KLHL15: variants seen among roughly 807,000 people sequenced by gnomAD.
KLHL15 encodes kelch like family member 15, also known as kelch-like protein 15.
Under a neutral mutation model 29.3 loss-of-function variants are expected in KLHL15, and 1 was observed. That is an observed-to-expected ratio of 0.03 (90% CI 0.01 to 0.16). KLHL15 has a LOEUF of 0.16. Among genes scored for constraint, KLHL15 ranks in the 10% least tolerant of loss-of-function variants. The pLI is 1.00. For synonymous variants in KLHL15, 212 were observed against 184.5 expected (o/e 1.15, Z -1.21); for missense variants, 215 against 478.5 (o/e 0.45, Z 5.14).
chrX:23,986,483 C>T lies in KLHL15; in HGVS notation c.*1438G>A, dbSNP rs1928988343. The T allele has an allele frequency of 8.9e-6, 1 of 111,971 alleles. No individual in the cohort carries two copies. Among genetic ancestry groups the T allele is most frequent in the Admixed American group, 9.5e-5 (1 of 10,536 alleles). The allele number at this position is 111,971 out of a possible 1,213,427, so 9.2% of individuals were successfully genotyped here. ...GGCATCAATTTCAATGATCCACTCC[C>T]AGGTTATTCTTGCTTAACTTTGTCA... On this transcript the variant is annotated 3_prime_UTR_variant, in exon 4 of 4. Coordinates refer to ENST00000328046, the MANE Select transcript of KLHL15 (RefSeq NM_030624.3).
At position 23,985,062 on chromosome X, in the gene KLHL15, T is replaced by C. The variant is rs1319896820; in HGVS notation, c.*2859A>G. 1 of 112,297 alleles carries C rather than the reference T, an allele frequency of 8.9e-6. No individual in the cohort carries two copies. The allele number at this position is 112,297 out of a possible 1,213,427, so 9.3% of individuals were successfully genotyped here. A position where few individuals can be genotyped will look rare whatever the true frequency, so the allele number is the denominator to read the frequency against. ...AATCTTGCATTTTAAGAAAAGGCTG[T>C]AGTGCAAGGAATTTCTTTAAAATCA... On this transcript the variant is annotated 3_prime_UTR_variant, in exon 4 of 4. Coordinates refer to ENST00000328046, the MANE Select transcript of KLHL15 (RefSeq NM_030624.3).
intron 2 of KLHL15, among the ~76,000 whole-genome samples, chrX:24,019,961 A>G (rs1347961423): frequency 8.9e-6 from 1 of 112,441 alleles, no homozygotes; most frequent in Non-Finnish European, 1.9e-5. Context: ...TTCCTTCCAC[A>G]GCTGCTTGAA....
chrX:24,001,940 T>C (rs1427518687), intron 3 of KLHL15, among the ~76,000 whole-genome samples: 1 of 107,570 alleles, frequency 9.3e-6, no homozygotes, highest in East Asian at 2.9e-4. Context: ...GAGACCATCC[T>C]GGCTAACACA....
intron 2 of KLHL15, among the ~76,000 whole-genome samples, chrX:24,011,341 T>TAAAA (rs565354614): frequency 1.2e-5 from 1 of 83,946 alleles, no homozygotes; most frequent in African/African-American, 4.4e-5. Flanking sequence ...CACTGTCTCT[T>TAAAA]AAAAAAAAAA....
chrX:24,019,806 G>A (rs984161548), intron 2 of KLHL15, among the ~76,000 whole-genome samples: 1 of 111,828 alleles, frequency 8.9e-6, no homozygotes, highest in Non-Finnish European at 1.9e-5. Flanking sequence ...AACTGGACAG[G>A]AAATTAAAGG....
chrX:23,989,705 C>T (rs1368151625), intron 3 of KLHL15, among the ~76,000 whole-genome samples: 1 of 111,446 alleles, frequency 9.0e-6, no homozygotes, highest in African/African-American at 3.3e-5. Flanking sequence ...AATTTAAATA[C>T]ATGTAAAATT....
intron 3 of KLHL15, among the ~76,000 whole-genome samples, chrX:23,989,308 G>A (rs2039869044): frequency 9.2e-6 from 1 of 108,644 alleles, no homozygotes; most frequent in Non-Finnish European, 1.9e-5. Flanking sequence ...CTCTGCCTCA[G>A]CCTCCTGAGG....
At chrX:24,013,936 G>T (rs967806629) in intron 2 of KLHL15, among the ~76,000 whole-genome samples, 2 of 110,368 alleles carry the variant, frequency 1.8e-5, no homozygotes, top group Admixed American at 1.9e-4. Flanking sequence ...TTTTTTTCAG[G>T]ATCATTATGG....
intron 3 of KLHL15, among the ~76,000 whole-genome samples, chrX:24,001,043 G>T (rs1216448654): frequency 1.8e-5 from 2 of 111,842 alleles, no homozygotes; most frequent in African/African-American, 6.5e-5. Context: ...CAATTTTGGG[G>T]GGATATACTG....
At position 23,984,730 on chromosome X, in the gene KLHL15, A is replaced by C. The variant is rs1928956304; in HGVS notation, c.*3191T>G. 8.9e-6 allele frequency: 1 copy of C among 112,493 alleles called. No homozygotes were observed. Among genetic ancestry groups the C allele is most frequent in the Non-Finnish European group, 1.9e-5 (1 of 53,261 alleles). 9.3% of individuals were successfully genotyped at this position (112,493 alleles called of 1,213,427 possible). A position where few individuals can be genotyped will look rare whatever the true frequency, so the allele number is the denominator to read the frequency against. On this transcript the variant is annotated 3_prime_UTR_variant, in exon 4 of 4. Coordinates refer to ENST00000328046, the MANE Select transcript of KLHL15 (RefSeq NM_030624.3). ...ATGCAGCTCAAATAATCTGTTATAAAATATTTTAAAGCTTAGTTTCATGTA... is the reference window on the plus strand; with the variant it reads ...ATGCAGCTCAAATAATCTGTTATAACATATTTTAAAGCTTAGTTTCATGTA...
At chrX:23,996,141 G>C (rs1295474621) in intron 3 of KLHL15, among the ~76,000 whole-genome samples, 1 of 112,170 alleles carries the variant, frequency 8.9e-6, no homozygotes, top group Non-Finnish European at 1.9e-5. Context: ...GGGTGGAAGT[G>C]GGGGAGCAAT....
rs1555975594 is a variant in KLHL15, at chrX:23,997,754, A to AAATT, written c.705+8234_705+8235insAATT. On this transcript the variant is annotated intron_variant, in intron 3 of 3. Transcript: ENST00000328046. ...TCAAAAAAAAAAAAAAAAAAAAAAA[A>AAATT]TTTTTTTTTTTTAAATTTTAGAAAA... Among the ~76,000 whole-genome samples, 493 of 67,002 alleles carry AAATT rather than the reference A, an allele frequency of 7.4e-3. 8 individuals carry two copies. The highest frequency in any genetic ancestry group is 9.3e-3 in the Non-Finnish European group (393 of 42,281). 58.2% of individuals were successfully genotyped at this position (67,002 alleles called of 115,157 possible).
In KLHL15 at chrX:23,985,093, TAGA is replaced by T. The variant is rs1928962640; in HGVS notation, c.*2825_*2827del. On this transcript the variant is annotated 3_prime_UTR_variant, in exon 4 of 4. Transcript: ENST00000328046. Reference sequence around the variant, plus strand: ...AAGGAATTTCTTTAAAATCAAAACTTAGAAGGTCAAAGACACGGAAGAGAACAA... The same window carrying T: ...AAGGAATTTCTTTAAAATCAAAACTTAGGTCAAAGACACGGAAGAGAACAA... The T allele has an allele frequency of 8.9e-6, 1 of 112,160 alleles. No individual in the cohort carries two copies. Among genetic ancestry groups the T allele is most frequent in the Non-Finnish European group, 1.9e-5 (1 of 53,182 alleles). The allele number at this position is 112,160 out of a possible 1,213,427, so 9.2% of individuals were successfully genotyped here. A position where few individuals can be genotyped will look rare whatever the true frequency, so the allele number is the denominator to read the frequency against.
chrX:23,985,174 G>A lies in KLHL15; in HGVS notation c.*2747C>T, dbSNP rs1928963636. The A allele has an allele frequency of 9.0e-6, 1 of 111,419 alleles. No individual in the cohort carries two copies. The highest frequency in any genetic ancestry group is 3.7e-4 in the South Asian group (1 of 2,722). The allele number at this position is 111,419 out of a possible 1,213,427, so 9.2% of individuals were successfully genotyped here. A position where few individuals can be genotyped will look rare whatever the true frequency, so the allele number is the denominator to read the frequency against. ...AAGATCAGCTATTTTTGTGAACTCT[G>A]GCATTTGAGATATAAAGTGAAAACA... On this transcript the variant is annotated 3_prime_UTR_variant, in exon 4 of 4. Transcript: ENST00000328046.
chrX:24,020,876 T>C (rs998963082), intron 2 of KLHL15, among the ~76,000 whole-genome samples: 2 of 112,114 alleles, frequency 1.8e-5, no homozygotes, highest in African/African-American at 6.5e-5. Flanking sequence ...ACTAAATATT[T>C]TGGAAAGTCT....
intron 3 of KLHL15, among the ~76,000 whole-genome samples, chrX:23,990,369 C>T (rs1403328323): frequency 9.0e-6 from 1 of 110,923 alleles, no homozygotes; most frequent in Non-Finnish European, 1.9e-5. Context: ...AAAGATTATA[C>T]TAAACTGGCC....
At chrX:23,993,449 C>T (rs1384921234) in intron 3 of KLHL15, among the ~76,000 whole-genome samples, 1 of 111,582 alleles carries the variant, frequency 9.0e-6, no homozygotes, top group African/African-American at 3.3e-5. Context: ...GATGATGTAA[C>T]AGCACTGATA....
intron 3 of KLHL15, among the ~76,000 whole-genome samples, chrX:23,994,633 A>C (rs1436347954): frequency 8.9e-6 from 1 of 112,098 alleles, no homozygotes; most frequent in African/African-American, 3.2e-5. Context: ...TATGGAAAGA[A>C]CGACATTTCT....
At chrX:24,005,146 A>G (rs1929420968) in intron 3 of KLHL15, among the ~76,000 whole-genome samples, 1 of 112,095 alleles carries the variant, frequency 8.9e-6, no homozygotes, top group African/African-American at 3.2e-5. Flanking sequence ...TAACCATGTG[A>G]TTAGAAACCA....
Sources: gnomAD v4.1 joint callset for allele counts (sites outside exome capture counted in the v4.1 genomes callset) on GRCh38, gnomAD v4.1.1 for gene constraint, MANE v1.5 for transcripts, NCBI Gene and HGNC (gene_info 2026-07-23, HGNC 2026-07-21) for gene names.